The following TMC4 variants were observed in gnomAD, a reference collection of about 807,000 sequenced individuals.
TMC4 encodes transmembrane channel like 4, also known as voltage-gated chloride channel TMC4.
TMC4 carries 70 observed loss-of-function variants against 82.0 expected under a neutral mutation model. The ratio of observed to expected loss-of-function variants is 0.85; its 90% confidence interval spans 0.70 to 1.04. The LOEUF is 1.04. Among genes scored for constraint, TMC4 ranks in the 50% least tolerant of loss-of-function variants. The pLI is 0.00. For missense variants in TMC4, 879 were observed against 899.0 expected, an observed-to-expected ratio of 0.98 and a Z score of 0.28; for synonymous variants, 446 against 406.0, an observed-to-expected ratio of 1.10 and a Z score of -1.18.
At chr19:54,165,601 G>A in intron 5 of TMC4, 35 bp from the exon 6 acceptor site, 1 of 1,582,164 alleles carries the variant, frequency 6.3e-7, no homozygotes. Flanking sequence ...GGAAGTGAAA[G>A]GACAGCCAGG....
chr19:54,162,386 TGGTGGGGG>T, intron 10 of TMC4, 101 bp from the exon 11 acceptor site: 3 of 350,856 alleles, frequency 8.6e-6, no homozygotes, highest in Non-Finnish European at 1.5e-5. Context: ...TGCGTATTGG[TGGTGGGGG>T]GGGGGGGGGC....
At position 54,160,453 on chromosome 19, in the gene TMC4, C is replaced by A; in HGVS notation, c.2052+14G>T. ...TGTTCCCCAGGGGCCCTCTCAGGGA[C>A]CCGCCTGGCTCACCGTCTCTCTCTG... is the stretch of plus-strand genomic sequence containing the variant. On this transcript the variant is annotated intron_variant, in intron 14 of 14. Transcript: ENST00000619895. 1 of 1,612,792 alleles carries A rather than the reference C, an allele frequency of 6.2e-7. No homozygotes were observed.
rs1193743568 is a variant in TMC4, at chr19:54,171,808, C to CAGGGTATGGGAGA, written c.293+49_293+61dup. 2.1e-6 allele frequency: 3 copies of CAGGGTATGGGAGA among 1,453,482 alleles called. No homozygotes were observed. In the East Asian group the frequency reaches 7.4e-5, roughly 36 times the overall value. The allele number at this position is 1,453,482 out of a possible 1,614,324, so 90.0% of individuals were successfully genotyped here. A position where few individuals can be genotyped will look rare whatever the true frequency, so the allele number is the denominator to read the frequency against. ...GAGGACAGAGGGAGGAGACCGAGTC[C>CAGGGTATGGGAGA]AGGGTATGGGAGAAGGGCCCGGTCC... On this transcript the variant is annotated intron_variant, in intron 2 of 14. Coordinates refer to ENST00000619895, the MANE Select transcript of TMC4 (RefSeq NM_144686.4).
Position 54,163,033 on chromosome 19 carries a change from C to A in TMC4, c.1404G>T (p.Pro468=), listed in dbSNP as rs1315084497. ...KTCGYNYKQL[P]CWETVLGQEM... is the part of the protein sequence containing the mutation. ...CCACGCACACCCATGCCGTTCTCAC[C>A]GGAAGTTGTTTGTAATTGTAGCCAC... Residue 468 remains proline (P), a splice_region_variant and synonymous_variant, in exon 9 of 15, where the codon CCG becomes CCT. Coordinates refer to ENST00000619895, the MANE Select transcript of TMC4 (RefSeq NM_144686.4). 6.2e-7 allele frequency: 1 copy of A among 1,614,142 alleles called. No homozygotes were observed. Among genetic ancestry groups the A allele is most frequent in the South Asian group, 1.1e-5 (1 of 91,086 alleles).
rs1478038118 is a variant in TMC4, at chr19:54,172,904, CATA to C, written c.79+132_79+134del. ...TCCAGCCTCCAGTTCCCTTCTCCCCCATAATATCAGGAAGTGGAACCTTCTCTC... is the reference window on the plus strand; with the variant it reads ...TCCAGCCTCCAGTTCCCTTCTCCCCCATATCAGGAAGTGGAACCTTCTCTC... On this transcript the variant is annotated intron_variant, in intron 1 of 14. Coordinates refer to ENST00000619895, the MANE Select transcript of TMC4 (RefSeq NM_144686.4). 8 of 757,916 alleles carry C rather than the reference CATA, an allele frequency of 1.1e-5. No homozygotes were observed. In the East Asian group the frequency reaches 1.9e-4, roughly 18 times the overall value. The allele number at this position is 757,916 out of a possible 1,614,324, so 46.9% of individuals were successfully genotyped here. A position where few individuals can be genotyped will look rare whatever the true frequency, so the allele number is the denominator to read the frequency against.
chr19:54,160,506 G>T lies in TMC4; in HGVS notation c.2013C>A (p.Tyr671Ter), dbSNP rs1402889847. Reference sequence around the variant, plus strand: ...GTTTGAGCTCAGAGATGAGGCGTCCGTAGGAGTTAGCCAGAGCCACAGTGT... The same window carrying T: ...GTTTGAGCTCAGAGATGAGGCGTCCTTAGGAGTTAGCCAGAGCCACAGTGT... ...MAYTVALANS[Y>*]GRLISELKRQ... The change falls in exon 14 of 15, where the codon TAC becomes TAA. Residue 671 changes from tyrosine to a stop codon, truncating the protein, a stop_gained. Coordinates refer to ENST00000619895, the MANE Select transcript of TMC4 (RefSeq NM_144686.4). LOFTEE classifies it high-confidence loss of function. The T allele has an allele frequency of 6.2e-7, 1 of 1,614,184 alleles. No individual in the cohort carries two copies. Among genetic ancestry groups the T allele is most frequent in the Admixed American group, 1.7e-5 (1 of 60,036 alleles).
At position 54,165,433 on chromosome 19, in the gene TMC4, A is replaced by T. The variant is rs1442148990; in HGVS notation, c.931T>A (p.Leu311Met). 6.2e-7 allele frequency: 1 copy of T among 1,608,042 alleles called. No individual in the cohort carries two copies. The highest frequency in any genetic ancestry group is 8.5e-7 in the Non-Finnish European group (1 of 1,175,734). The change falls in exon 6 of 15, where the codon TTG becomes ATG. Residue 311 changes from leucine (L) to methionine (M), a missense_variant. Coordinates refer to ENST00000619895, the MANE Select transcript of TMC4 (RefSeq NM_144686.4). Reference protein sequence around the residue: ...VHVRLRQRIILYELKVELEET... With the variant: ...VHVRLRQRIIMYELKVELEET... ...CCTAATCGCACCTTTAATTCGTACA[A>T]GATGATGCGCTGGCGCAGCCGCACG...
Position 54,165,577 on chromosome 19 carries a change from A to T in TMC4, c.798-11T>A, listed in dbSNP as rs762882703. The T allele has an allele frequency of 1.3e-6, 2 of 1,590,920 alleles. No homozygotes were observed. The highest frequency in any genetic ancestry group is 8.6e-7 in the Non-Finnish European group (1 of 1,163,560). On this transcript the variant is annotated splice_polypyrimidine_tract_variant and intron_variant, in intron 5 of 14. Coordinates refer to ENST00000619895, the MANE Select transcript of TMC4 (RefSeq NM_144686.4). ...AGCCCAGACACCGAGCTGAGAGGGG[A>T]GACCCGGGAGACGGGAAGTGAAAGG...
chr19:54,165,611 G>A, intron 5 of TMC4, 45 bp from the exon 6 acceptor site: 1 of 1,575,392 alleles, frequency 6.3e-7, no homozygotes, highest in Non-Finnish European at 8.6e-7. Flanking sequence ...GGACAGCCAG[G>A]AACGGGGGTT....
chr19:54,161,150 G>C lies in TMC4; in HGVS notation c.1797C>G (p.Pro599=). 1 of 1,586,566 alleles carries C rather than the reference G, an allele frequency of 6.3e-7. No individual in the cohort carries two copies. Among genetic ancestry groups the C allele is most frequent in the South Asian group, 1.1e-5 (1 of 87,892 alleles). ...CTTACAGGAAGATGCTGTAAAGCAGGGGAACGCTGGAGATGGCCAGACCCA... is the reference window on the plus strand; with the variant it reads ...CTTACAGGAAGATGCTGTAAAGCAGCGGAACGCTGGAGATGGCCAGACCCA... The part of the protein sequence containing the change: ...LLLGLAISSV[P]LLYSIFLIPP... Residue 599 remains proline (P), a synonymous_variant, in exon 12 of 15, where the codon CCC becomes CCG. Coordinates refer to ENST00000619895, the MANE Select transcript of TMC4 (RefSeq NM_144686.4).
chr19:54,163,120 G>A lies in TMC4; in HGVS notation c.1317C>T (p.Leu439=), dbSNP rs770569675. 2 of 1,613,904 alleles carry A rather than the reference G, an allele frequency of 1.2e-6. No individual in the cohort carries two copies. Among genetic ancestry groups the A allele is most frequent in the South Asian group, 2.2e-5 (2 of 91,068 alleles). The part of the protein sequence containing the change: ...FLRLASLVVL[L]FSLWNQITCG... Reference sequence around the variant, plus strand: ...AAGTGATCTGATTCCAGAGAGAGAAGAGCAGGACCACCAGGGAGGCGAGGC... The same window carrying A: ...AAGTGATCTGATTCCAGAGAGAGAAAAGCAGGACCACCAGGGAGGCGAGGC... The change falls in exon 9 of 15, where the codon CTC becomes CTT. Residue 439 remains leucine (L), a synonymous_variant. Transcript: ENST00000619895.
chr19:54,163,195 G>C, intron 8 of TMC4, 36 bp from the exon 9 acceptor site: 1 of 1,612,022 alleles, frequency 6.2e-7, no homozygotes, highest in Non-Finnish European at 8.5e-7. Context: ...GCCCTGACCC[G>C]GTACCCACCA....
intron 2 of TMC4, among the ~76,000 whole-genome samples, chr19:54,171,007 G>A (rs1023351904): frequency 6.9e-6 from 1 of 145,760 alleles, no homozygotes; most frequent in South Asian, 2.2e-4. Flanking sequence ...ACTACTGATC[G>A]GTGTGGGAGT....
chr19:54,163,115 G>A lies in TMC4; in HGVS notation c.1322C>T (p.Ser441Phe), dbSNP rs772764011. Residue 441 changes from serine to phenylalanine, a missense_variant, in exon 9 of 15, where the codon TCT becomes TTT. Coordinates refer to ENST00000619895, the MANE Select transcript of TMC4 (RefSeq NM_144686.4). The stretch of plus-strand genomic sequence containing the variant: ...CCCACAAGTGATCTGATTCCAGAGA[G>A]AGAAGAGCAGGACCACCAGGGAGGC... ...RLASLVVLLF[S>F]LWNQITCGGD... 1 of 1,613,932 alleles carries A rather than the reference G, an allele frequency of 6.2e-7. No homozygotes were observed. The highest frequency in any genetic ancestry group is 8.5e-7 in the Non-Finnish European group (1 of 1,179,974).
Position 54,162,220 on chromosome 19 carries a change from G to A in TMC4, c.1568C>T (p.Pro523Leu). Residue 523 changes from proline to leucine, a missense_variant, in exon 11 of 15, where the codon CCC becomes CTC. Pro to Leu is a moderately conservative substitution (Grantham distance 98). Transcript: ENST00000619895. ...RLAGTQEFQVPDEVLGLIYAQ... is the reference protein window; with the variant it reads ...RLAGTQEFQVLDEVLGLIYAQ... Reference sequence around the variant, plus strand: ...GTAGATGAGCCCCAGCACCTCGTCGGGCACCTGGAACTCTTGGGTCCCCGC... The same window carrying A: ...GTAGATGAGCCCCAGCACCTCGTCGAGCACCTGGAACTCTTGGGTCCCCGC... 6.2e-7 allele frequency: 1 copy of A among 1,612,754 alleles called. No homozygotes were observed. The highest frequency in any genetic ancestry group is 8.5e-7 in the Non-Finnish European group (1 of 1,179,512).
chr19:54,164,308 C>T, intron 7 of TMC4, 126 bp downstream of exon 7: 5 of 1,250,302 alleles, frequency 4.0e-6, no homozygotes, highest in East Asian at 2.4e-5. Flanking sequence ...GTCCAGGGTC[C>T]GAACATACCC....
chr19:54,168,710 T>G, intron 3 of TMC4, 30 bp from the exon 4 acceptor site: 121 of 1,425,132 alleles, frequency 8.5e-5, no homozygotes, highest in East Asian at 3.3e-4. Flanking sequence ...GAGGCTCAGG[T>G]TCCTTCCCGG....
At position 54,163,782 on chromosome 19, in the gene TMC4, G is replaced by C. The variant is rs778552804; in HGVS notation, c.1219C>G (p.Leu407Val). 1 of 1,614,008 alleles carries C rather than the reference G, an allele frequency of 6.2e-7. No individual in the cohort carries two copies. Among genetic ancestry groups the C allele is most frequent in the Admixed American group, 1.7e-5 (1 of 59,986 alleles). The change falls in exon 8 of 15, where the codon CTC (leucine) becomes GTC (valine). Residue 407 changes from leucine to valine, a missense_variant. Leu to Val is a conservative substitution (Grantham distance 32). Coordinates refer to ENST00000619895, the MANE Select transcript of TMC4 (RefSeq NM_144686.4). ...VNFVLPPVFK[L>V]IAPLEGYTRS... ...GTGTAGCCCTCCAGTGGAGCAATGAGCTTGAACACGGGCGGCAGCACAAAA... is the reference window on the plus strand; with the variant it reads ...GTGTAGCCCTCCAGTGGAGCAATGACCTTGAACACGGGCGGCAGCACAAAA...
chr19:54,168,861 T>C (rs1462526960), intron 3 of TMC4, among the ~76,000 whole-genome samples, 181 bp from the exon 4 acceptor site: 6 of 48,420 alleles, frequency 1.2e-4, no homozygotes, highest in African/African-American at 2.8e-4. Flanking sequence ...TCTTTTCTTT[T>C]CTTTTCTTTT....
Sources: gnomAD v4.1 joint callset for allele counts (sites outside exome capture counted in the v4.1 genomes callset) on GRCh38, gnomAD v4.1.1 for gene constraint, MANE v1.5 for transcripts, NCBI Gene and HGNC (gene_info 2026-07-23, HGNC 2026-07-21) for gene names.